RORB: variants seen among roughly 807,000 people sequenced by gnomAD.
RORB encodes the protein RAR related orphan receptor B.
In RORB, 6 loss-of-function variants were observed where a neutral mutation model predicts 59.1. The ratio of observed to expected loss-of-function variants is 0.10; its 90% CI spans 0.06 to 0.20. The LOEUF is 0.20. RORB is among the 10% of genes least tolerant of loss of function. The pLI is 1.00. For synonymous variants in RORB, 215 were observed against 204.5 expected, an observed-to-expected ratio of 1.05 and a Z score of -0.44; for missense variants, 320 against 560.5, an observed-to-expected ratio of 0.57 and a Z score of 4.33.
intron 1 of RORB, among the ~76,000 whole-genome samples, chr9:74,518,847 T>C (rs1276031986): frequency 6.6e-6 from 1 of 151,950 alleles, no homozygotes; most frequent in Non-Finnish European, 1.5e-5. Flanking sequence ...TCCTTTGTGA[T>C]TTTAAAGTCT....
chr9:74,648,671 A>T lies in RORB; in HGVS notation c.637+5856A>T, dbSNP rs541919408. Among the ~76,000 whole-genome samples the T allele has an allele frequency of 3.9e-5, 6 of 152,304 alleles. No individual in the cohort carries two copies. In the South Asian group the frequency reaches 1.2e-3, roughly 32 times the overall value. On this transcript the variant is annotated intron_variant, in intron 4 of 9. Coordinates refer to ENST00000376896, the MANE Select transcript of RORB (RefSeq NM_006914.4). The stretch of plus-strand genomic sequence containing the variant: ...AACATGCAGTTAACAACCACTGTCA[A>T]ATCAGAACCGTGCACTAGCCTCTTC...
chr9:74,535,896 G>A (rs35768747), intron 1 of RORB, among the ~76,000 whole-genome samples: 24 of 151,948 alleles, frequency 1.6e-4, no homozygotes, highest in Non-Finnish European at 3.4e-4. Flanking sequence ...AAATGGCATA[G>A]GATTTTAGGG....
At chr9:74,559,945 T>C (rs1587359342) in intron 1 of RORB, among the ~76,000 whole-genome samples, 1 of 152,208 alleles carries the variant, frequency 6.6e-6, no homozygotes, top group South Asian at 2.1e-4. Context: ...ATAAATGTCA[T>C]ATGACCACAT....
At chr9:74,564,908 T>A (rs1006304618) in intron 1 of RORB, among the ~76,000 whole-genome samples, 1 of 152,216 alleles carries the variant, frequency 6.6e-6, no homozygotes, top group African/African-American at 2.4e-5. Context: ...AAAGTGTGGC[T>A]TTCTGATTGG....
chr9:74,609,828 C>T (rs1049290248), intron 1 of RORB, among the ~76,000 whole-genome samples: 2 of 152,100 alleles, frequency 1.3e-5, no homozygotes, highest in Non-Finnish European at 2.9e-5. Context: ...CTATTTTGTC[C>T]CCAGGGGGTA....
intron 2 of RORB, 39 bp from the exon 3 acceptor site, chr9:74,634,592 T>C (rs1195208903): frequency 1.3e-6 from 2 of 1,552,622 alleles, no homozygotes; most frequent in Admixed American, 2.0e-5. Context: ...TTTCCCTTCT[T>C]ATAAATCTGT....
At chr9:74,527,022 T>C (rs1395086650) in intron 1 of RORB, among the ~76,000 whole-genome samples, 1 of 151,988 alleles carries the variant, frequency 6.6e-6, no homozygotes, top group African/African-American at 2.4e-5. Context: ...TTGATAGATT[T>C]ACAGCTACTC....
At chr9:74,644,847 C>T (rs1159929968) in intron 4 of RORB, among the ~76,000 whole-genome samples, 3 of 152,154 alleles carry the variant, frequency 2.0e-5, no homozygotes, top group Non-Finnish European at 4.4e-5. Context: ...TTAGCAACCA[C>T]ATTAAATATT....
intron 1 of RORB, among the ~76,000 whole-genome samples, chr9:74,603,759 A>T (rs1823105122): frequency 6.6e-6 from 1 of 152,134 alleles, no homozygotes; most frequent in Non-Finnish European, 1.5e-5. Flanking sequence ...CTAATACATC[A>T]CTCTACCAAG....
intron 1 of RORB, among the ~76,000 whole-genome samples, chr9:74,546,253 G>A (rs999248574): frequency 6.6e-5 from 10 of 152,194 alleles, no homozygotes; most frequent in African/African-American, 2.4e-4. Flanking sequence ...CACTTGAAAG[G>A]AGAGATATGC....
At chr9:74,554,267 G>A (rs1405049172) in intron 1 of RORB, among the ~76,000 whole-genome samples, 1 of 152,134 alleles carries the variant, frequency 6.6e-6, no homozygotes, top group Non-Finnish European at 1.5e-5. Flanking sequence ...CTGACTCCTA[G>A]TGCCATGTAT....
At position 74,630,275 on chromosome 9, in the gene RORB, C is replaced by T. The variant is rs1587393981; in HGVS notation, c.8-7C>T. ...GTATGCTCAAAATGTCTGTTTTCTCCTTTCAGCACAAATTGAAGTGATACC... is the reference window on the plus strand; with the variant it reads ...GTATGCTCAAAATGTCTGTTTTCTCTTTTCAGCACAAATTGAAGTGATACC... On this transcript the variant is annotated splice_region_variant and splice_polypyrimidine_tract_variant and intron_variant, in intron 1 of 9. Transcript: ENST00000376896. 1 of 1,611,848 alleles carries T rather than the reference C, an allele frequency of 6.2e-7. No homozygotes were observed. Among genetic ancestry groups the T allele is most frequent in the Non-Finnish European group, 8.5e-7 (1 of 1,178,186 alleles).
chr9:74,632,317 C>G (rs1191165953), intron 2 of RORB, among the ~76,000 whole-genome samples: 1 of 152,136 alleles, frequency 6.6e-6, no homozygotes, highest in Non-Finnish European at 1.5e-5. Flanking sequence ...CAAAATGGCA[C>G]TGTACACCAC....
intron 1 of RORB, among the ~76,000 whole-genome samples, chr9:74,608,019 G>A (rs1823175989): frequency 6.6e-6 from 1 of 152,120 alleles, no homozygotes. Context: ...TGCTGAATGA[G>A]AACCAGGAAA....
intron 1 of RORB, among the ~76,000 whole-genome samples, chr9:74,565,522 G>C (rs1587361750): frequency 6.6e-6 from 1 of 152,098 alleles, no homozygotes; most frequent in African/African-American, 2.4e-5. Context: ...CTGTACCTTA[G>C]AGATCAAAGT....
chr9:74,603,722 A>G (rs527701921), intron 1 of RORB, among the ~76,000 whole-genome samples: 1 of 152,340 alleles, frequency 6.6e-6, no homozygotes, highest in South Asian at 2.1e-4. Context: ...TAAAATGAAC[A>G]TGTTATTAGA....
At position 74,642,684 on chromosome 9, in the gene RORB, G is replaced by T. The variant is rs368056882; in HGVS notation, c.506G>T (p.Gly169Val). The change falls in exon 4 of 10, where the codon GGA (glycine) becomes GTA (valine). Residue 169 changes from glycine (G) to valine (V), a missense_variant. By Grantham distance (109) the Gly-to-Val change is moderately radical. Coordinates refer to ENST00000376896, the MANE Select transcript of RORB (RefSeq NM_006914.4). Reference sequence around the variant, plus strand: ...GGTCAGCCGTCCCCTGATCAGTCAGGACTTGACATGACTGGAATCAAACAG... The same window carrying T: ...GGTCAGCCGTCCCCTGATCAGTCAGTACTTGACATGACTGGAATCAAACAG... ...DSGQPSPDQS[G>V]LDMTGIKQIK... 2 of 1,614,194 alleles carry T rather than the reference G, an allele frequency of 1.2e-6. No individual in the cohort carries two copies. The highest frequency in any genetic ancestry group is 1.7e-6 in the Non-Finnish European group (2 of 1,180,030).
intron 9 of RORB, among the ~76,000 whole-genome samples, chr9:74,678,443 A>G (rs1243106622): frequency 2.0e-5 from 3 of 152,228 alleles, no homozygotes. Flanking sequence ...CATCAACATG[A>G]GAGAGAAGCA....
At chr9:74,538,221 G>A (rs1176519644) in intron 1 of RORB, among the ~76,000 whole-genome samples, 1 of 151,998 alleles carries the variant, frequency 6.6e-6, no homozygotes, top group African/African-American at 2.4e-5. Context: ...ACTTGTGTAA[G>A]TACACTCTGT....
Sources: allele counts gnomAD v4.1 joint callset (sites outside exome capture counted in the v4.1 genomes callset), GRCh38; gene constraint gnomAD v4.1.1; transcripts MANE v1.5; gene names NCBI Gene and HGNC (gene_info 2026-07-23, HGNC 2026-07-21).